The following CANX variants were observed in gnomAD, a reference collection of about 807,000 sequenced individuals.
The protein encoded by CANX is calnexin.
In CANX, 14 loss-of-function variants were observed where a neutral mutation model predicts 75.7. That is an observed-to-expected ratio of 0.19 (90% CI 0.12 to 0.29). The LOEUF is 0.29. CANX is among the 10% of genes least tolerant of loss of function. The pLI is 1.00. For missense variants in CANX, 567 were observed against 713.2 expected, an observed-to-expected ratio of 0.79 and a Z score of 2.34; for synonymous variants, 227 against 236.9, an observed-to-expected ratio of 0.96 and a Z score of 0.38.
intron 1 of CANX, chr5:179,679,427 T>C: frequency 1.6e-6 from 1 of 623,056 alleles, no homozygotes; most frequent in South Asian, 2.1e-5. Flanking sequence ...CAGGCAGCAG[T>C]CTCACCTAAA....
chr5:179,712,363 G>A (rs1581868023), intron 7 of CANX, among the ~76,000 whole-genome samples: 1 of 151,724 alleles, frequency 6.6e-6, no homozygotes, highest in East Asian at 1.9e-4. Flanking sequence ...GTTTATTGAA[G>A]CTTTTCCTGC....
In CANX at chr5:179,729,012, T is replaced by C. The variant is rs1478392645; in HGVS notation, c.*368T>C. The C allele has an allele frequency of 3.7e-6, 1 of 271,974 alleles. No individual in the cohort carries two copies. The highest frequency in any genetic ancestry group is 2.3e-5 in the African/African-American group (1 of 43,234). The allele number at this position is 271,974 out of a possible 1,614,324, so 16.8% of individuals were successfully genotyped here. A position where few individuals can be genotyped will look rare whatever the true frequency, so the allele number is the denominator to read the frequency against. On this transcript the variant is annotated 3_prime_UTR_variant, in exon 15 of 15. Coordinates refer to ENST00000247461, the MANE Select transcript of CANX (RefSeq NM_001746.4). ...TATTAATCTGTTTGTGCAAACATAA[T>C]ACCACCATTTAAAAATGTTAGGGAG... is the stretch of plus-strand genomic sequence containing the variant.
At chr5:179,726,812 G>A (rs1778705990) in intron 14 of CANX, 53 bp downstream of exon 14, 1 of 1,316,318 alleles carries the variant, frequency 7.6e-7, no homozygotes, top group South Asian at 1.2e-5. Context: ...GTACATTTAT[G>A]TAAAGGGAAT....
chr5:179,707,039 C>A, intron 3 of CANX, 93 bp from the exon 4 acceptor site: 4 of 769,794 alleles, frequency 5.2e-6, no homozygotes, highest in Admixed American at 1.8e-5. Flanking sequence ...AGGCTAAGAG[C>A]AGAATAGGTC....
At chr5:179,728,515 C>G in intron 14 of CANX, 76 bp from the exon 15 acceptor site, 1 of 871,946 alleles carries the variant, frequency 1.1e-6, no homozygotes. Flanking sequence ...CTCAGTCTGG[C>G]TGATCTTGAA....
At chr5:179,711,694 C>A (rs1266415058) in intron 7 of CANX, among the ~76,000 whole-genome samples, 1 of 149,034 alleles carries the variant, frequency 6.7e-6, no homozygotes, top group Admixed American at 6.8e-5. Flanking sequence ...GAGGCTGAGG[C>A]AGGAGAATTG....
chr5:179,705,995 A>C, intron 2 of CANX, 143 bp downstream of exon 2: 2 of 661,394 alleles, frequency 3.0e-6, no homozygotes, highest in Non-Finnish European at 5.3e-6. Flanking sequence ...ACACAGGGAG[A>C]TATCATCTCT....
chr5:179,713,441 C>T (rs1376880002), intron 7 of CANX, among the ~76,000 whole-genome samples: 1 of 151,952 alleles, frequency 6.6e-6, no homozygotes, highest in Non-Finnish European at 1.5e-5. Context: ...CATAAGTAAG[C>T]AAAAAGAAAA....
chr5:179,715,937 G>A, intron 7 of CANX, 168 bp from the exon 8 acceptor site: 1 of 694,878 alleles, frequency 1.4e-6, no homozygotes, highest in Non-Finnish European at 2.6e-6. Context: ...CGTGCATAAG[G>A]AAATGGGCGT....
rs1282564867 is a variant in CANX at position 179,729,493 on chromosome 5, C to G, written c.*849C>G. 2 of 152,852 alleles carry G rather than the reference C, an allele frequency of 1.3e-5. No individual in the cohort carries two copies. Among genetic ancestry groups the G allele is most frequent in the African/African-American group, 4.8e-5 (2 of 41,450 alleles). 9.5% of individuals were successfully genotyped at this position (152,852 alleles called of 1,614,324 possible). A position where few individuals can be genotyped will look rare whatever the true frequency, so the allele number is the denominator to read the frequency against. On this transcript the variant is annotated 3_prime_UTR_variant, in exon 15 of 15. Coordinates refer to ENST00000247461, the MANE Select transcript of CANX (RefSeq NM_001746.4). ...TGAGCTCCGGAATAGATGTCTTCAT[C>G]ACTTCTTCCACTGTGTGTTGACACT...
rs796881219 is a variant in CANX at position 179,715,824 on chromosome 5, G to T, written c.722-281G>T. The stretch of plus-strand genomic sequence containing the variant: ...GTTTATGTAGTTTCTTGTTTTTTTT[G>T]TTTTTTTTTTTTAGTGTCTATAAGT... On this transcript the variant is annotated intron_variant, in intron 7 of 14. Coordinates refer to ENST00000247461, the MANE Select transcript of CANX (RefSeq NM_001746.4). 2,218 of 356,620 alleles carry T rather than the reference G, an allele frequency of 6.2e-3. 67 individuals carry two copies. The highest frequency in any genetic ancestry group is 0.048 in the African/African-American group (2,078 of 43,372). 22.1% of individuals were successfully genotyped at this position (356,620 alleles called of 1,614,324 possible).
intron 1 of CANX, among the ~76,000 whole-genome samples, chr5:179,684,892 A>G (rs562704596): frequency 1.2e-4 from 16 of 134,896 alleles, no homozygotes; most frequent in African/African-American, 4.3e-4. Flanking sequence ...AAGTGGGATT[A>G]CAGGCGTGTG....
At chr5:179,718,538 T>C (rs1282965507) in intron 8 of CANX, among the ~76,000 whole-genome samples, 2 of 150,940 alleles carry the variant, frequency 1.3e-5, no homozygotes, top group East Asian at 3.9e-4. Flanking sequence ...TGTTTTTTCT[T>C]TTTTTTTGAG....
At chr5:179,686,500 G>T (rs1394892034) in intron 1 of CANX, among the ~76,000 whole-genome samples, 1 of 151,712 alleles carries the variant, frequency 6.6e-6, no homozygotes, top group Non-Finnish European at 1.5e-5. Flanking sequence ...TTGAGACACG[G>T]TCTCACTGTT....
chr5:179,712,143 G>A (rs1777605185), intron 7 of CANX, among the ~76,000 whole-genome samples: 1 of 148,528 alleles, frequency 6.7e-6, no homozygotes, highest in African/African-American at 2.5e-5. Flanking sequence ...TCTACAAAGA[G>A]CTTTGCTGAT....
At chr5:179,727,939 C>T (rs540682688) in intron 14 of CANX, among the ~76,000 whole-genome samples, 2 of 152,254 alleles carry the variant, frequency 1.3e-5, no homozygotes, top group Middle Eastern at 3.4e-3. Context: ...TGGTCTCTCC[C>T]GGAAAGCTCT....
At position 179,701,461 on chromosome 5, in the gene CANX, C is replaced by T. The variant is rs529192222; in HGVS notation, c.-4+2359C>T. 1.6e-4 allele frequency among the ~76,000 whole-genome samples: 24 copies of T among 151,662 alleles called. No individual in the cohort carries two copies. The South Asian group carries it at 3.5e-3, about 22-fold the overall frequency. On this transcript the variant is annotated intron_variant, in intron 1 of 14. Transcript: ENST00000247461. The stretch of plus-strand genomic sequence containing the variant: ...AATACAGAAAATTAACCTCCAGCTA[C>T]TCGGGAGGCTGAGGCAGGAGAATCA...
chr5:179,694,796 AAAGT>A (rs1331051411), upstream of CANX: 1 of 545,392 alleles, frequency 1.8e-6, no homozygotes, highest in Non-Finnish European at 3.3e-6. Context: ...CAAAAAAAAA[AAAGT>A]AAATGGATAA....
In CANX at chr5:179,708,273, G is replaced by T. The variant is rs767797862; in HGVS notation, c.339G>T (p.Lys113Asn). 21 of 1,613,742 alleles carry T rather than the reference G, an allele frequency of 1.3e-5. No homozygotes were observed. The highest frequency in any genetic ancestry group is 1.7e-5 in the Non-Finnish European group (20 of 1,179,698). Residue 113 changes from lysine (K) to asparagine (N), a missense_variant, in exon 5 of 15, where the codon AAG (lysine) becomes AAT (asparagine). Physicochemically the swap from Lys to Asn is moderately conservative, Grantham distance 94. Coordinates refer to ENST00000247461, the MANE Select transcript of CANX (RefSeq NM_001746.4). The stretch of plus-strand genomic sequence containing the variant: ...AGGTAGAGGAAATGAAGGAGTCAAA[G>T]CTTCCAGGTGATAAAGGACTTGTGT... Reference protein sequence around the residue: ...KWEVEEMKESKLPGDKGLVLM... With the variant: ...KWEVEEMKESNLPGDKGLVLM...
Sources: allele counts gnomAD v4.1 joint callset (sites outside exome capture counted in the v4.1 genomes callset), GRCh38; gene constraint gnomAD v4.1.1; transcripts MANE v1.5; gene names NCBI Gene and HGNC (gene_info 2026-07-23, HGNC 2026-07-21).